GRIN2A: variants seen among roughly 807,000 people sequenced by gnomAD.
GRIN2A encodes the protein glutamate receptor ionotropic, NMDA 2A.
Under a neutral mutation model 113.4 loss-of-function variants are expected in GRIN2A, and 22 were observed. That is an observed-to-expected ratio of 0.19 (90% CI 0.14 to 0.28). The LOEUF (loss-of-function observed/expected upper bound fraction) is 0.28, where lower values mean the gene tolerates loss of function less well. GRIN2A is among the 10% of genes least tolerant of loss of function. The pLI is 1.00. For missense variants in GRIN2A, 1,502 were observed against 1,887.0 expected (o/e 0.80, Z 3.78); for synonymous variants, 827 against 738.4 (o/e 1.12, Z -1.94).
Position 9,849,997 on chromosome 16 carries a change from T to C in GRIN2A, c.1123-36A>G, listed in dbSNP as rs2042855072. 2.6e-6 allele frequency: 4 copies of C among 1,562,824 alleles called. No individual in the cohort carries two copies. In the South Asian group the frequency reaches 3.3e-5, roughly 13 times the overall value. Reference sequence around the variant, plus strand: ...AACACAAAGACACAGCTGTGCTTTCTTCCGCCGCTGATTTCTGGAGAGGCA... The same window carrying C: ...AACACAAAGACACAGCTGTGCTTTCCTCCGCCGCTGATTTCTGGAGAGGCA... On this transcript the variant is annotated intron_variant, in intron 4 of 12. Coordinates refer to ENST00000330684, the MANE Select transcript of GRIN2A (RefSeq NM_001134407.3).
At chr16:9,840,470 G>C (rs926085221) in intron 7 of GRIN2A, among the ~76,000 whole-genome samples, 177 bp downstream of exon 7, 1 of 152,008 alleles carries the variant, frequency 6.6e-6, no homozygotes, top group Non-Finnish European at 1.5e-5. Context: ...GATGAAATTT[G>C]GGTGGGGACC....
intron 3 of GRIN2A, among the ~76,000 whole-genome samples, chr16:9,911,687 A>G (rs143612279): frequency 2.0e-5 from 3 of 152,316 alleles, no homozygotes; most frequent in East Asian, 1.9e-4. Flanking sequence ...TAGCTCTACA[A>G]AGGTCTGTCT....
rs143176751 is a variant in GRIN2A at position 9,986,985 on chromosome 16, C to T, written c.415-48434G>A. On this transcript the variant is annotated intron_variant, in intron 2 of 12. Coordinates refer to ENST00000330684, the MANE Select transcript of GRIN2A (RefSeq NM_001134407.3). ...ATACCCGAGTTTCCTTCCAGCACCA[C>T]TGAATCAGAATCTCTGGATATGGTA... Among the ~76,000 whole-genome samples, 562 of 152,208 alleles carry T rather than the reference C, an allele frequency of 3.7e-3. 3 individuals are homozygous for T. Among genetic ancestry groups the T allele is most frequent in the African/African-American group, 0.013 (525 of 41,530 alleles).
intron 2 of GRIN2A, among the ~76,000 whole-genome samples, chr16:9,998,520 T>C (rs908122499): frequency 6.6e-6 from 1 of 152,214 alleles, no homozygotes; most frequent in Admixed American, 6.5e-5. Flanking sequence ...TGAATTGTAC[T>C]CTTTAAAATG....
intron 2 of GRIN2A, among the ~76,000 whole-genome samples, chr16:10,028,881 G>C (rs796358629): frequency 1.7e-4 from 26 of 152,278 alleles, no homozygotes; most frequent in African/African-American, 5.1e-4. Context: ...ACAAACAAGG[G>C]CCCAAATTGG....
At position 9,957,291 on chromosome 16, in the gene GRIN2A, A is replaced by G. The variant is rs750137045; in HGVS notation, c.415-18740T>C. On this transcript the variant is annotated intron_variant, in intron 2 of 12. Coordinates refer to ENST00000330684, the MANE Select transcript of GRIN2A (RefSeq NM_001134407.3). ...GGAAGATTATTTAAGGGAGCTGCCCATGTTCAGGACACACACAGTGGATAT... is the reference window on the plus strand; with the variant it reads ...GGAAGATTATTTAAGGGAGCTGCCCGTGTTCAGGACACACACAGTGGATAT... Among the ~76,000 whole-genome samples, 10 of 152,104 alleles carry G rather than the reference A, an allele frequency of 6.6e-5. No individual in the cohort carries two copies. The East Asian group carries it at 1.9e-3, about 29-fold the overall frequency.
chr16:10,119,957 C>T (rs1391275324), intron 2 of GRIN2A, among the ~76,000 whole-genome samples: 1 of 152,086 alleles, frequency 6.6e-6, no homozygotes, highest in Non-Finnish European at 1.5e-5. Context: ...TGTATATGTA[C>T]CAGATTTTCT....
intron 2 of GRIN2A, among the ~76,000 whole-genome samples, chr16:9,949,979 A>T (rs930184250): frequency 6.6e-6 from 1 of 152,114 alleles, no homozygotes; most frequent in African/African-American, 2.4e-5. Context: ...GCAGTGTGAG[A>T]ATCCATTGCT....
chr16:10,004,370 C>CA (rs1417776536), intron 2 of GRIN2A, among the ~76,000 whole-genome samples: 1 of 151,166 alleles, frequency 6.6e-6, no homozygotes, highest in Non-Finnish European at 1.5e-5. Context: ...GCCTGGGTGA[C>CA]AGAGCGAGAC....
chr16:10,042,782 C>G (rs756508717), intron 2 of GRIN2A, among the ~76,000 whole-genome samples: 12 of 152,124 alleles, frequency 7.9e-5, no homozygotes, highest in Admixed American at 2.0e-4. Context: ...CTAACTCACA[C>G]CTAAGGGGGC....
intron 2 of GRIN2A, among the ~76,000 whole-genome samples, chr16:10,170,297 A>G (rs899232753): frequency 6.6e-6 from 1 of 152,234 alleles, no homozygotes; most frequent in Non-Finnish European, 1.5e-5. Flanking sequence ...AAAGTCTCAC[A>G]TCCCCCTTTC....
intron 2 of GRIN2A, chr16:10,112,643 G>GAGC: frequency 1.3e-6 from 1 of 766,190 alleles, no homozygotes; most frequent in Non-Finnish European, 2.4e-6. Flanking sequence ...CCATGGAGAA[G>GAGC]AGCAGCAGCA....
At chr16:9,906,284 C>G (rs1396239558) in intron 3 of GRIN2A, among the ~76,000 whole-genome samples, 1 of 152,202 alleles carries the variant, frequency 6.6e-6, no homozygotes, top group Non-Finnish European at 1.5e-5. Context: ...CATCCTAAAA[C>G]TGTTCTTAAC....
intron 2 of GRIN2A, among the ~76,000 whole-genome samples, chr16:10,042,836 T>C (rs770049500): frequency 5.0e-4 from 76 of 152,264 alleles, no homozygotes; most frequent in Non-Finnish European, 8.4e-4. Context: ...TGTGTCTGTA[T>C]GCAATGCCTC....
chr16:9,961,381 T>A (rs1178042510), intron 2 of GRIN2A, among the ~76,000 whole-genome samples: 1 of 152,120 alleles, frequency 6.6e-6, no homozygotes. Flanking sequence ...TTTCTACACT[T>A]ATCCTAACGA....
intron 2 of GRIN2A, among the ~76,000 whole-genome samples, chr16:10,178,857 G>T (rs2050203068): frequency 6.6e-6 from 1 of 152,200 alleles, no homozygotes; most frequent in East Asian, 1.9e-4. Context: ...AATATCTCCT[G>T]CCATCTAAGG....
intron 11 of GRIN2A, among the ~76,000 whole-genome samples, chr16:9,784,074 C>G (rs1462891144): frequency 6.6e-6 from 1 of 152,140 alleles, no homozygotes; most frequent in East Asian, 1.9e-4. Context: ...CCCCATGACA[C>G]AAGTTTACCT....
At chr16:9,798,016 T>C (rs1015296525) in intron 11 of GRIN2A, among the ~76,000 whole-genome samples, 1 of 152,226 alleles carries the variant, frequency 6.6e-6, no homozygotes, top group Non-Finnish European at 1.5e-5. Flanking sequence ...CTTGTCTTTT[T>C]CTAAACCTAT....
At chr16:10,109,777 G>C (rs1378510640) in intron 2 of GRIN2A, among the ~76,000 whole-genome samples, 5 of 152,050 alleles carry the variant, frequency 3.3e-5, no homozygotes, top group Non-Finnish European at 7.4e-5. Flanking sequence ...AAATGCTCAA[G>C]GGGATGGAGA....
Sources: allele counts gnomAD v4.1 joint callset (sites outside exome capture counted in the v4.1 genomes callset), GRCh38; gene constraint gnomAD v4.1.1; transcripts MANE v1.5; gene names NCBI Gene and HGNC (gene_info 2026-07-23, HGNC 2026-07-21).